C18orf63: variants seen among roughly 807,000 people sequenced by gnomAD.
The protein encoded by C18orf63 is chromosome 18 open reading frame 63.
A neutral mutation model predicts 75.3 loss-of-function variants in C18orf63; 50 were observed. The ratio of observed to expected loss-of-function variants is 0.66; its 90% CI spans 0.53 to 0.84. The LOEUF (loss-of-function observed/expected upper bound fraction) is 0.84. C18orf63 is among the 40% of genes least tolerant of loss of function. The pLI is 0.00. For missense variants in C18orf63, 732 were observed against 800.2 expected (o/e 0.91, Z 1.03); for synonymous variants, 232 against 267.6 (o/e 0.87, Z 1.30).
chr18:74,350,205 C>T (rs1984643523), intron 11 of C18orf63, among the ~76,000 whole-genome samples: 1 of 152,088 alleles, frequency 6.6e-6, no homozygotes, highest in Non-Finnish European at 1.5e-5. Flanking sequence ...TAGCTTTACC[C>T]TAGCTCCCTT....
At position 74,357,445 on chromosome 18, in the gene C18orf63, CAATG is replaced by C. The variant is rs1368591682; in HGVS notation, c.*1002_*1005del. 6.6e-6 allele frequency: 1 copy of C among 152,148 alleles called. No individual in the cohort carries two copies. Among genetic ancestry groups the C allele is most frequent in the Non-Finnish European group, 1.5e-5 (1 of 68,014 alleles). 9.4% of individuals were successfully genotyped at this position (152,148 alleles called of 1,614,324 possible). A position where few individuals can be genotyped will look rare whatever the true frequency, so the allele number is the denominator to read the frequency against. On this transcript the variant is annotated 3_prime_UTR_variant, in exon 14 of 14. Coordinates refer to ENST00000579455, the MANE Select transcript of C18orf63 (RefSeq NM_001174123.2). The stretch of plus-strand genomic sequence containing the variant: ...AGAAACAGAAGTGGAGCTTCTCAGA[CAATG>C]AATATTATTCTGGCTTTCAAACATT...
At chr18:74,349,982 G>T (rs1245108307) in intron 11 of C18orf63, among the ~76,000 whole-genome samples, 2 of 152,140 alleles carry the variant, frequency 1.3e-5, no homozygotes, top group Admixed American at 1.3e-4. Flanking sequence ...CCAGGCTTTA[G>T]TCTGTATAGG....
At chr18:74,345,935 A>G (rs1004503724) in intron 11 of C18orf63, among the ~76,000 whole-genome samples, 4 of 149,560 alleles carry the variant, frequency 2.7e-5, no homozygotes, top group African/African-American at 9.9e-5. Flanking sequence ...TCAACTTGTC[A>G]ACTTACACAT....
At chr18:74,334,426 G>T (rs1029570907) in intron 7 of C18orf63, among the ~76,000 whole-genome samples, 2 of 152,014 alleles carry the variant, frequency 1.3e-5, no homozygotes, top group Admixed American at 1.3e-4. Flanking sequence ...CATGAAAAGG[G>T]GTAGCAGAAA....
intron 1 of C18orf63, 38 bp from the exon 2 acceptor site, chr18:74,317,796 G>A: frequency 1.6e-6 from 2 of 1,279,930 alleles, no homozygotes; most frequent in Admixed American, 5.0e-5. Flanking sequence ...CTATTGGTAA[G>A]ATAATTTACT....
intron 1 of C18orf63, among the ~76,000 whole-genome samples, chr18:74,317,347 A>T (rs1463372678): frequency 6.6e-6 from 1 of 152,248 alleles, no homozygotes; most frequent in Non-Finnish European, 1.5e-5. Flanking sequence ...TTTAGTGGAA[A>T]CAAAAACTAG....
rs533750816 is a variant in C18orf63 at position 74,346,549 on chromosome 18, A to G, written c.978+2847A>G. Among the ~76,000 whole-genome samples, 4 of 152,348 alleles carry G rather than the reference A, an allele frequency of 2.6e-5. No individual in the cohort carries two copies. The East Asian group carries it at 7.7e-4, about 29-fold the overall frequency. On this transcript the variant is annotated intron_variant, in intron 11 of 13. Coordinates refer to ENST00000579455, the MANE Select transcript of C18orf63 (RefSeq NM_001174123.2). Reference sequence around the variant, plus strand: ...AAATGCCCATTGACATCTTTAAAACAGTATTAAAGTTTTGTCCAGACATAA... The same window carrying G: ...AAATGCCCATTGACATCTTTAAAACGGTATTAAAGTTTTGTCCAGACATAA...
chr18:74,343,630 A>G lies in C18orf63; in HGVS notation c.906A>G (p.Ile302Met), dbSNP rs1166985660. 6.5e-7 allele frequency: 1 copy of G among 1,534,634 alleles called. No individual in the cohort carries two copies. The highest frequency in any genetic ancestry group is 1.2e-5 in the South Asian group (1 of 83,856). Residue 302 changes from isoleucine to methionine, a missense_variant, in exon 11 of 14, where the codon ATA becomes ATG. Around this residue, in one of 3 missense-constraint regions of C18orf63, gnomAD observed 495 missense variants for 508.7 expected, o/e 0.97. Transcript: ENST00000579455. ...LSDLKSKLPH[I>M]CGFPIKMTSK... ...ATTTAAAATCTAAACTGCCCCATAT[A>G]TGTGGATTTCCCATAAAGATGACAA...
chr18:74,335,849 A>G (rs931179481), intron 7 of C18orf63, among the ~76,000 whole-genome samples: 3 of 152,102 alleles, frequency 2.0e-5, no homozygotes, highest in Non-Finnish European at 2.9e-5. Flanking sequence ...TTTACTGAGT[A>G]CTGGTTAATA....
chr18:74,320,685 T>C (rs1984105939), intron 3 of C18orf63, 94 bp downstream of exon 3: 1 of 728,846 alleles, frequency 1.4e-6, no homozygotes. Context: ...TTAAGATGTT[T>C]ATGAGGATTA....
intron 6 of C18orf63, among the ~76,000 whole-genome samples, chr18:74,329,383 A>C (rs1984265659): frequency 6.6e-6 from 1 of 151,776 alleles, no homozygotes; most frequent in Admixed American, 6.6e-5. Flanking sequence ...CAAAAAAAAA[A>C]AAAAAAAAAA....
chr18:74,346,429 A>G (rs570094275), intron 11 of C18orf63, among the ~76,000 whole-genome samples: 46 of 152,276 alleles, frequency 3.0e-4, no homozygotes, highest in Non-Finnish European at 5.9e-4. Flanking sequence ...AACTCCTCCT[A>G]CTGTTAGTTA....
Position 74,316,118 on chromosome 18 carries a change from A to G in C18orf63, c.-33+9A>G, listed in dbSNP as rs940404589. 6.6e-6 allele frequency: 1 copy of G among 151,980 alleles called. No homozygotes were observed. Among genetic ancestry groups the G allele is most frequent in the Non-Finnish European group, 1.5e-5 (1 of 68,094 alleles). 9.4% of individuals were successfully genotyped at this position (151,980 alleles called of 1,614,324 possible). On this transcript the variant is annotated intron_variant, in intron 1 of 13. Coordinates refer to ENST00000579455, the MANE Select transcript of C18orf63 (RefSeq NM_001174123.2). ...TGTTGCTTTTCCAGTTTGTAAGACC[A>G]TTTTCCTGATTCTCTTCCCCACGGT...
intron 13 of C18orf63, among the ~76,000 whole-genome samples, chr18:74,356,156 G>A (rs1984760955): frequency 6.6e-6 from 1 of 152,146 alleles, no homozygotes; most frequent in African/African-American, 2.4e-5. Context: ...TGGGGTACAA[G>A]TGCAACTTTG....
chr18:74,351,328 T>TC (rs974146336), intron 11 of C18orf63, among the ~76,000 whole-genome samples: 15 of 152,200 alleles, frequency 9.9e-5, no homozygotes, highest in African/African-American at 3.6e-4. Flanking sequence ...GGGACAATAC[T>TC]CCTCCCATTG....
chr18:74,354,763 C>A (rs1984735052), intron 13 of C18orf63, among the ~76,000 whole-genome samples: 1 of 152,174 alleles, frequency 6.6e-6, no homozygotes, highest in Non-Finnish European at 1.5e-5. Flanking sequence ...GGGATGGGTG[C>A]AAATGGTCCA....
At chr18:74,316,485 G>C (rs538895132) in intron 1 of C18orf63, among the ~76,000 whole-genome samples, 2 of 152,308 alleles carry the variant, frequency 1.3e-5, no homozygotes, top group South Asian at 4.1e-4. Flanking sequence ...AGGGTCCCTC[G>C]TAGCGGCGGT....
chr18:74,354,843 ACTAT>A (rs909045413), intron 13 of C18orf63, among the ~76,000 whole-genome samples: 1 of 152,226 alleles, frequency 6.6e-6, no homozygotes, highest in Non-Finnish European at 1.5e-5. Context: ...GCAGCAGCAG[ACTAT>A]CTAAAAATAG....
intron 8 of C18orf63, among the ~76,000 whole-genome samples, chr18:74,339,698 A>T (rs181368747): frequency 6.6e-6 from 1 of 152,314 alleles, no homozygotes; most frequent in Admixed American, 6.5e-5. Flanking sequence ...GGAAGAAGTT[A>T]AATTGTTGCT....
Sources: gnomAD v4.1 joint callset for allele counts (sites outside exome capture counted in the v4.1 genomes callset) on GRCh38, gnomAD v4.1.1 for gene constraint, gnomAD v4.1.1 regional missense constraint, MANE v1.5 for transcripts, NCBI Gene and HGNC (gene_info 2026-07-23, HGNC 2026-07-21) for gene names.